SLIT1: variants seen among roughly 807,000 people sequenced by gnomAD.
SLIT1 encodes slit guidance ligand 1, also known as slit homolog 1 protein.
In SLIT1, 66 loss-of-function variants were observed where a neutral mutation model predicts 186.1. The observed-to-expected ratio is 0.35, with a 90% CI of 0.29 to 0.44. The LOEUF (loss-of-function observed/expected upper bound fraction) is 0.44, where lower values mean the gene tolerates loss of function less well. Among genes scored for constraint, SLIT1 ranks in the 20% least tolerant of loss-of-function variants. The pLI is 1.00. For synonymous variants in SLIT1, 761 were observed against 833.8 expected (o/e 0.91, Z 1.50); for missense variants, 1,638 against 2,037.4 (o/e 0.80, Z 3.77).
chr10:97,137,482 T>C (rs1849714143), intron 4 of SLIT1, among the ~76,000 whole-genome samples: 1 of 152,382 alleles, frequency 6.6e-6, no homozygotes, highest in East Asian at 1.9e-4. Flanking sequence ...TTTCTACTGT[T>C]AGAGGGACTC....
chr10:97,095,317 T>C (rs145636496), intron 4 of SLIT1, among the ~76,000 whole-genome samples: 4 of 152,232 alleles, frequency 2.6e-5, no homozygotes, highest in African/African-American at 9.6e-5. Flanking sequence ...GAAACCCAAT[T>C]AAACTGCATC....
intron 4 of SLIT1, among the ~76,000 whole-genome samples, chr10:97,071,898 T>C (rs1367879592): frequency 6.6e-6 from 1 of 152,232 alleles, no homozygotes; most frequent in Non-Finnish European, 1.5e-5. Context: ...CTGTTTCTTA[T>C]AATAGCATCA....
intron 4 of SLIT1, among the ~76,000 whole-genome samples, chr10:97,152,658 CTTAT>C (rs1404799831): frequency 3.9e-5 from 6 of 152,210 alleles, no homozygotes; most frequent in Non-Finnish European, 8.8e-5. Context: ...CTTTTCACTT[CTTAT>C]TTAAAAACTG....
chr10:97,069,728 T>C (rs912146791), intron 4 of SLIT1, among the ~76,000 whole-genome samples: 2 of 152,178 alleles, frequency 1.3e-5, no homozygotes, highest in African/African-American at 4.8e-5. Context: ...GGGAATCTCA[T>C]GTGGTTTCGT....
At chr10:97,059,382 C>G in intron 11 of SLIT1, 78 bp downstream of exon 11, 1 of 1,192,248 alleles carries the variant, frequency 8.4e-7, no homozygotes, top group Non-Finnish European at 1.2e-6. Context: ...CCTCCTGCAT[C>G]CACCAGGACC....
intron 4 of SLIT1, among the ~76,000 whole-genome samples, chr10:97,105,343 G>A (rs530364530): frequency 3.3e-5 from 5 of 152,160 alleles, no homozygotes; most frequent in African/African-American, 4.8e-5. Flanking sequence ...AAGGCTGAGC[G>A]GGGCTGCCTG....
Position 97,004,611 on chromosome 10 carries a change from A to C in SLIT1, c.3710+82T>G, listed in dbSNP as rs201447319. ...GCCCAGGTTTCTAGAGGTCTCGATA[A>C]CCACCTGCTTTTGGCCCAGGAGACC... On this transcript the variant is annotated intron_variant, in intron 33 of 36. Coordinates refer to ENST00000266058, the MANE Select transcript of SLIT1 (RefSeq NM_003061.3). This position sits in a 1 kb window ranked among gnomAD's most constrained non-coding sequence, Gnocchi z 5.1. 107 of 1,544,356 alleles carry C rather than the reference A, an allele frequency of 6.9e-5. No homozygotes were observed. The highest frequency in any genetic ancestry group is 1.7e-5 in the Admixed American group (1 of 58,662).
At chr10:97,071,520 T>C (rs1013750745) in intron 4 of SLIT1, among the ~76,000 whole-genome samples, 1 of 152,170 alleles carries the variant, frequency 6.6e-6, no homozygotes, top group Non-Finnish European at 1.5e-5. Context: ...GACCCAACCT[T>C]GTTCTAGAAA....
At chr10:97,057,772 T>G in intron 11 of SLIT1, 3 of 490,426 alleles carry the variant, frequency 6.1e-6, no homozygotes, top group Non-Finnish European at 1.1e-5. Context: ...ACTTTAGCAT[T>G]TTCAAAGTTT....
At chr10:97,125,386 A>C (rs1244967309) in intron 4 of SLIT1, among the ~76,000 whole-genome samples, 1 of 152,078 alleles carries the variant, frequency 6.6e-6, no homozygotes, top group Non-Finnish European at 1.5e-5. Context: ...AAATACAAAA[A>C]TTAGCCAGGC....
intron 4 of SLIT1, among the ~76,000 whole-genome samples, chr10:97,088,102 G>T (rs1379399987): frequency 6.6e-6 from 1 of 152,176 alleles, no homozygotes; most frequent in Non-Finnish European, 1.5e-5. Flanking sequence ...AAATACTGTT[G>T]CCTGGACCCA....
At chr10:97,092,651 C>T (rs1271072974) in intron 4 of SLIT1, among the ~76,000 whole-genome samples, 3 of 152,176 alleles carry the variant, frequency 2.0e-5, no homozygotes, top group African/African-American at 7.2e-5. Flanking sequence ...ACTGTGTTGC[C>T]AATTATTCCA....
chr10:97,057,187 A>G (rs185064751), intron 12 of SLIT1, 23 bp downstream of exon 12: 1 of 1,602,432 alleles, frequency 6.2e-7, no homozygotes, highest in East Asian at 2.2e-5. Flanking sequence ...GTCCCACCCA[A>G]GACACCCAGG....
At chr10:97,161,481 T>C (rs562793777) in intron 3 of SLIT1, among the ~76,000 whole-genome samples, 25 of 152,238 alleles carry the variant, frequency 1.6e-4, no homozygotes, top group Admixed American at 7.2e-4. Flanking sequence ...TTTTCTTTAA[T>C]ATAAAAATGA....
intron 18 of SLIT1, among the ~76,000 whole-genome samples, chr10:97,044,285 G>T (rs1421304552): frequency 4.6e-5 from 7 of 152,128 alleles, no homozygotes; most frequent in African/African-American, 1.4e-4. Flanking sequence ...AGTCCCAGCT[G>T]CTTGGGAGGC....
At chr10:97,077,160 C>T (rs938185407) in intron 4 of SLIT1, among the ~76,000 whole-genome samples, 1 of 152,114 alleles carries the variant, frequency 6.6e-6, no homozygotes, top group Middle Eastern at 3.4e-3. Flanking sequence ...CCTAGCTACT[C>T]GGAGGCTAAG....
intron 4 of SLIT1, among the ~76,000 whole-genome samples, chr10:97,072,392 G>GTCCA (rs1849008615): frequency 6.6e-6 from 1 of 152,270 alleles, no homozygotes; most frequent in Middle Eastern, 3.4e-3. Context: ...TCAAACTCCT[G>GTCCA]GGTTCAAGTG....
chr10:97,042,124 A>T (rs73320642), intron 20 of SLIT1, among the ~76,000 whole-genome samples: 3,338 of 152,200 alleles, frequency 0.022, 129 homozygotes, highest in African/African-American at 0.076. Context: ...CTTGGGGTGA[A>T]AGTCAAAGCT....
intron 12 of SLIT1, among the ~76,000 whole-genome samples, 168 bp from the exon 13 acceptor site, chr10:97,056,632 C>A (rs1054183182): frequency 6.6e-6 from 1 of 152,180 alleles, no homozygotes; most frequent in Non-Finnish European, 1.5e-5. Flanking sequence ...GAGAGGGGCC[C>A]GGAACTCCGA....
Sources: gnomAD v4.1 joint callset for allele counts (sites outside exome capture counted in the v4.1 genomes callset) on GRCh38, gnomAD v4.1.1 for gene constraint, Gnocchi (gnomAD v3.1) non-coding constraint, MANE v1.5 for transcripts, NCBI Gene and HGNC (gene_info 2026-07-23, HGNC 2026-07-21) for gene names.